Variants in PICALM observed in about 807,000 individuals in gnomAD.
The protein encoded by PICALM is phosphatidylinositol binding clathrin assembly protein.
In PICALM, 40 loss-of-function variants were observed where a neutral mutation model predicts 80.5. The ratio of observed to expected loss-of-function variants is 0.50; its 90% CI spans 0.39 to 0.65. The LOEUF is 0.65. Among genes scored for constraint, PICALM ranks in the 30% least tolerant of loss-of-function variants. The pLI is 0.00. For synonymous variants in PICALM, 288 were observed against 260.3 expected, an observed-to-expected ratio of 1.11 and a Z score of -1.02; for missense variants, 676 against 778.9, an observed-to-expected ratio of 0.87 and a Z score of 1.57.
chr11:85,960,948 G>A (rs2093668426), intron 19 of PICALM, among the ~76,000 whole-genome samples: 1 of 152,192 alleles, frequency 6.6e-6, no homozygotes, highest in African/African-American at 2.4e-5. Context: ...TCAGTCATAT[G>A]TCAAGTTAAA....
intron 1 of PICALM, among the ~76,000 whole-genome samples, chr11:86,036,726 C>T (rs1357172440): frequency 1.3e-5 from 2 of 152,038 alleles, no homozygotes; most frequent in African/African-American, 4.8e-5. Context: ...AAAATAAAAG[C>T]TGTCAGGAGA....
At chr11:85,981,814 GA>G (rs1273800467) in intron 15 of PICALM, 39 bp from the exon 16 acceptor site, 1 of 1,610,486 alleles carries the variant, frequency 6.2e-7, no homozygotes, top group Non-Finnish European at 8.5e-7. Flanking sequence ...TTTATAACAC[GA>G]GACGCAGTTT....
intron 1 of PICALM, among the ~76,000 whole-genome samples, chr11:86,040,219 G>C (rs917868668): frequency 2.6e-5 from 4 of 151,964 alleles, no homozygotes; most frequent in African/African-American, 9.7e-5. Context: ...AGGGGCTGTG[G>C]ATGACCAAAA....
intron 8 of PICALM, 53 bp from the exon 9 acceptor site, chr11:86,003,504 TTAAATCAAG>T: frequency 8.9e-7 from 1 of 1,117,412 alleles, no homozygotes; most frequent in Non-Finnish European, 1.3e-6. Context: ...ACTGGTCAAA[TTAAATCAAG>T]TATCATCTAA....
chr11:86,050,588 G>A (rs1395118943), intron 1 of PICALM, among the ~76,000 whole-genome samples: 3 of 152,062 alleles, frequency 2.0e-5, no homozygotes, highest in African/African-American at 7.3e-5. Flanking sequence ...CAATAATAAT[G>A]TTTACATTTC....
intron 12 of PICALM, 133 bp from the exon 13 acceptor site, chr11:85,990,532 C>G: frequency 2.3e-6 from 1 of 429,692 alleles, no homozygotes; most frequent in Admixed American, 4.4e-5. Context: ...TCTAAATTAT[C>G]AAAAACAAAA....
chr11:85,983,034 C>A (rs1034720538), intron 14 of PICALM, among the ~76,000 whole-genome samples: 1 of 151,782 alleles, frequency 6.6e-6, no homozygotes, highest in African/African-American at 2.4e-5. Flanking sequence ...TAAAACCTAC[C>A]GCAGCAAAAA....
At chr11:86,060,521 G>A (rs770386596) in intron 1 of PICALM, among the ~76,000 whole-genome samples, 14 of 152,036 alleles carry the variant, frequency 9.2e-5, no homozygotes, top group Non-Finnish European at 4.4e-5. Flanking sequence ...CCACTGTACA[G>A]TGGTTCTTGA....
chr11:85,985,492 A>G (rs1423892753), intron 13 of PICALM, among the ~76,000 whole-genome samples: 1 of 152,218 alleles, frequency 6.6e-6, no homozygotes, highest in Non-Finnish European at 1.5e-5. Flanking sequence ...TAAGTCAAAG[A>G]CATTGGTCAT....
intron 1 of PICALM, among the ~76,000 whole-genome samples, chr11:86,038,885 G>A (rs748167890): frequency 1.1e-4 from 17 of 151,866 alleles, no homozygotes; most frequent in Non-Finnish European, 1.6e-4. Flanking sequence ...CAAGGAGAAC[G>A]GATCACTCAA....
chr11:86,020,188 G>C (rs2095541559), intron 4 of PICALM, among the ~76,000 whole-genome samples: 1 of 150,922 alleles, frequency 6.6e-6, no homozygotes, highest in Admixed American at 6.6e-5. Context: ...TTAAAAGAAA[G>C]CTTAAATACA....
chr11:86,021,694 G>T (rs551848202), intron 4 of PICALM, among the ~76,000 whole-genome samples: 7 of 152,036 alleles, frequency 4.6e-5, no homozygotes, highest in Non-Finnish European at 7.4e-5. Flanking sequence ...GGTATACACC[G>T]AAGAGAATTA....
At chr11:86,012,016 A>G (rs552166944) in intron 6 of PICALM, among the ~76,000 whole-genome samples, 5 of 152,246 alleles carry the variant, frequency 3.3e-5, no homozygotes, top group African/African-American at 1.2e-4. Flanking sequence ...AGGCACTTTT[A>G]TATTTCTAAA....
At chr11:86,066,923 T>G (rs993466390) in intron 1 of PICALM, among the ~76,000 whole-genome samples, 2 of 152,208 alleles carry the variant, frequency 1.3e-5, no homozygotes, top group Admixed American at 6.5e-5. Context: ...TACGATGCAT[T>G]TTAAAAAGTT....
chr11:86,015,137 A>C (rs554296016), intron 4 of PICALM, among the ~76,000 whole-genome samples, 174 bp from the exon 5 acceptor site: 1 of 152,322 alleles, frequency 6.6e-6, no homozygotes, highest in East Asian at 1.9e-4. Flanking sequence ...GAAAAAACAA[A>C]AACAGGCAAC....
At position 85,981,948 on chromosome 11, in the gene PICALM, G is replaced by T. The variant is rs771561901; in HGVS notation, c.1572C>A (p.Asn524Lys). Residue 524 changes from asparagine to lysine, a missense_variant, in exon 15 of 20, where the codon AAC becomes AAA. Transcript: ENST00000393346. Reference sequence around the variant, plus strand: ...TAGGTGGGAGTTTGGCAACAGGAAGGTTCTGGTTCTGAGAGGCCACTGTTG... The same window carrying T: ...TAGGTGGGAGTTTGGCAACAGGAAGTTTCTGGTTCTGAGAGGCCACTGTTG... ...LKPTVASQNQ[N>K]LPVAKLPPSK... The T allele has an allele frequency of 1.9e-6, 3 of 1,612,742 alleles. No homozygotes were observed. The highest frequency in any genetic ancestry group is 2.2e-5 in the East Asian group (1 of 44,882).
intron 3 of PICALM, among the ~76,000 whole-genome samples, chr11:86,025,146 A>C (rs1474955710): frequency 6.6e-6 from 1 of 152,182 alleles, no homozygotes; most frequent in Non-Finnish European, 1.5e-5. Context: ...TCACGCCTGT[A>C]ATCCCAGCAC....
chr11:86,008,688 T>G (rs585102), intron 7 of PICALM, among the ~76,000 whole-genome samples: 1 of 152,168 alleles, frequency 6.6e-6, no homozygotes, highest in Admixed American at 6.5e-5. Context: ...CTGATATATT[T>G]GTCCTCCTCA....
intron 3 of PICALM, among the ~76,000 whole-genome samples, 200 bp downstream of exon 3, chr11:86,026,092 C>T (rs781347393): frequency 3.9e-5 from 6 of 152,082 alleles, no homozygotes; most frequent in East Asian, 1.9e-4. Flanking sequence ...CTCTGTACTC[C>T]GTCTCAGAGA....
Sources: allele counts gnomAD v4.1 joint callset (sites outside exome capture counted in the v4.1 genomes callset), GRCh38; gene constraint gnomAD v4.1.1; transcripts MANE v1.5; gene names NCBI Gene and HGNC (gene_info 2026-07-23, HGNC 2026-07-21).